Variants in MEGF9 observed in about 807,000 individuals in gnomAD.
MEGF9 encodes the protein multiple EGF like domains 9, also known as multiple epidermal growth factor-like domains protein 9.
MEGF9 carries 6 observed loss-of-function variants against 46.8 expected under a neutral mutation model. The observed-to-expected ratio is 0.13, with a 90% CI of 0.07 to 0.25. The LOEUF (loss-of-function observed/expected upper bound fraction) is 0.25, where lower values mean the gene tolerates loss of function less well. Among genes scored for constraint, MEGF9 ranks in the 10% least tolerant of loss-of-function variants. MEGF9 has a pLI of 1.00. For missense variants in MEGF9, 683 were observed against 792.4 expected, an observed-to-expected ratio of 0.86 and a Z score of 1.66; for synonymous variants, 302 against 330.7, an observed-to-expected ratio of 0.91 and a Z score of 0.94.
intron 1 of MEGF9, among the ~76,000 whole-genome samples, chr9:120,706,322 G>A (rs896860382): frequency 6.6e-6 from 1 of 152,074 alleles, no homozygotes; most frequent in African/African-American, 2.4e-5. Flanking sequence ...TGAAACTAAT[G>A]TTCTGGAGTT....
intron 1 of MEGF9, among the ~76,000 whole-genome samples, chr9:120,660,856 C>T (rs1389294966): frequency 6.6e-6 from 1 of 152,146 alleles, no homozygotes; most frequent in Non-Finnish European, 1.5e-5. Context: ...GTACAAATTA[C>T]AGTTCTAAAT....
chr9:120,606,170 CAAAAAAAA>C (rs533329431), intron 5 of MEGF9, among the ~76,000 whole-genome samples: 1 of 65,978 alleles, frequency 1.5e-5, no homozygotes, highest in African/African-American at 4.6e-5. Flanking sequence ...GACTCTGTCT[CAAAAAAAA>C]AAAAAAAAAA....
chr9:120,628,638 CAGA>C (rs535297227), intron 2 of MEGF9, among the ~76,000 whole-genome samples: 247 of 152,100 alleles, frequency 1.6e-3, no homozygotes, highest in South Asian at 2.1e-3. Flanking sequence ...TGGGTTGTTA[CAGA>C]AGAAGAACCC....
chr9:120,646,005 C>T (rs1426698205), intron 2 of MEGF9, among the ~76,000 whole-genome samples: 1 of 152,096 alleles, frequency 6.6e-6, no homozygotes, highest in East Asian at 1.9e-4. Flanking sequence ...GGGTGTGGGC[C>T]TGAGAAGGAA....
chr9:120,652,492 A>C (rs1366444395), intron 2 of MEGF9, among the ~76,000 whole-genome samples: 7 of 150,386 alleles, frequency 4.7e-5, no homozygotes, highest in African/African-American at 1.5e-4. Flanking sequence ...AAAAAAAAAA[A>C]AAAAAAAAAA....
chr9:120,638,908 C>T (rs11788861), intron 2 of MEGF9, among the ~76,000 whole-genome samples: 1 of 152,224 alleles, frequency 6.6e-6, no homozygotes, highest in Non-Finnish European at 1.5e-5. Flanking sequence ...CCTCGAACTC[C>T]TGGGCTCGAG....
intron 1 of MEGF9, chr9:120,691,434 T>C (rs1417080344): frequency 2.0e-6 from 1 of 489,188 alleles, no homozygotes; most frequent in Middle Eastern, 3.3e-4. Context: ...CATATTTTCC[T>C]AGATACTTTT....
chr9:120,636,192 C>T (rs1374666034), intron 2 of MEGF9, among the ~76,000 whole-genome samples: 1 of 152,180 alleles, frequency 6.6e-6, no homozygotes, highest in East Asian at 1.9e-4. Context: ...CCCATCTTGG[C>T]CTCCCAAAGT....
intron 1 of MEGF9, among the ~76,000 whole-genome samples, chr9:120,700,694 G>A (rs1279756141): frequency 6.6e-6 from 1 of 151,978 alleles, no homozygotes; most frequent in African/African-American, 2.4e-5. Context: ...GGACTTAAGA[G>A]AATCTAAAAA....
intron 1 of MEGF9, among the ~76,000 whole-genome samples, chr9:120,665,890 AAAATCAATTGGCTGT>A (rs1357261851): frequency 5.3e-5 from 8 of 152,312 alleles, no homozygotes; most frequent in African/African-American, 1.9e-4. Flanking sequence ...ACCTTTATTG[AAAATCAATTGGCTGT>A]AAATACATGG....
chr9:120,697,956 T>C (rs748404941), intron 1 of MEGF9, among the ~76,000 whole-genome samples: 1 of 152,136 alleles, frequency 6.6e-6, no homozygotes, highest in Non-Finnish European at 1.5e-5. Flanking sequence ...GCTTTGGCAA[T>C]GCAGCACAGT....
At chr9:120,698,101 G>C (rs571928056) in intron 1 of MEGF9, among the ~76,000 whole-genome samples, 1 of 152,176 alleles carries the variant, frequency 6.6e-6, no homozygotes, top group Non-Finnish European at 1.5e-5. Context: ...AGCCCAGGAA[G>C]ATTATGTGAC....
At position 120,603,290 on chromosome 9, in the gene MEGF9, T is replaced by C. The variant is rs1226891043; in HGVS notation, c.*1900A>G. On this transcript the variant is annotated 3_prime_UTR_variant, in exon 6 of 6. Transcript: ENST00000373930. ...TGGTGTGGAAGAGAGGACACACATA[T>C]GGAAAAGTGCTTTGCAAACTACAAA... 1 of 152,196 alleles carries C rather than the reference T, an allele frequency of 6.6e-6. No individual in the cohort carries two copies. Among genetic ancestry groups the C allele is most frequent in the Non-Finnish European group, 1.5e-5 (1 of 68,038 alleles). The allele number at this position is 152,196 out of a possible 1,614,324, so 9.4% of individuals were successfully genotyped here.
At chr9:120,659,782 T>C (rs1295493445) in intron 1 of MEGF9, among the ~76,000 whole-genome samples, 1 of 133,170 alleles carries the variant, frequency 7.5e-6, no homozygotes, top group Non-Finnish European at 1.6e-5. Context: ...GTAGTGTGTG[T>C]GTGACAGTGT....
chr9:120,689,556 T>C (rs143385340), intron 1 of MEGF9, among the ~76,000 whole-genome samples: 1 of 151,906 alleles, frequency 6.6e-6, no homozygotes, highest in Admixed American at 6.6e-5. Context: ...AAAAATCCAA[T>C]TGAGAGATGA....
intron 1 of MEGF9, among the ~76,000 whole-genome samples, chr9:120,674,951 T>C (rs2043766432): frequency 6.6e-6 from 1 of 151,188 alleles, no homozygotes; most frequent in South Asian, 2.1e-4. Context: ...CGATCTCGGC[T>C]CACTGCAAGC....
chr9:120,644,734 T>C (rs901797728), intron 2 of MEGF9, among the ~76,000 whole-genome samples: 1 of 152,200 alleles, frequency 6.6e-6, no homozygotes, highest in African/African-American at 2.4e-5. Flanking sequence ...CCCTGGCACA[T>C]AGTAAACAGT....
intron 5 of MEGF9, among the ~76,000 whole-genome samples, chr9:120,606,367 C>CA (rs1246609363): frequency 6.6e-6 from 1 of 152,102 alleles, no homozygotes; most frequent in Non-Finnish European, 1.5e-5. Context: ...AGTCTGATGG[C>CA]ATTTCATAAA....
chr9:120,710,010 C>G (rs1240075179), intron 1 of MEGF9, among the ~76,000 whole-genome samples: 9 of 81,478 alleles, frequency 1.1e-4, no homozygotes, highest in Admixed American at 7.5e-4. Context: ...CTAGCCTGGG[C>G]AAAAAGAGCG....
Sources: allele counts gnomAD v4.1 joint callset (sites outside exome capture counted in the v4.1 genomes callset), GRCh38; gene constraint gnomAD v4.1.1; transcripts MANE v1.5; gene names NCBI Gene and HGNC (gene_info 2026-07-23, HGNC 2026-07-21).